Variants in VPS13C observed in about 807,000 individuals in gnomAD.
VPS13C encodes vacuolar protein sorting 13 homolog C, also known as intermembrane lipid transfer protein VPS13C.
Under a neutral mutation model 456.8 loss-of-function variants are expected in VPS13C, and 358 were observed. The ratio of observed to expected loss-of-function variants is 0.78; its 90% CI spans 0.72 to 0.86. VPS13C has a LOEUF of 0.86. VPS13C is among the 40% of genes least tolerant of loss of function. The probability of loss-of-function intolerance (pLI) is 0.00; values close to 1 mark genes in which losing one functional copy is unlikely to be tolerated. For synonymous variants in VPS13C, 1,578 were observed against 1,486.7 expected, an observed-to-expected ratio of 1.06 and a Z score of -1.41; for missense variants, 4,818 against 4,385.4, an observed-to-expected ratio of 1.10 and a Z score of -2.79.
chr15:62,048,601 T>C (rs1325381807), intron 1 of VPS13C, among the ~76,000 whole-genome samples: 1 of 152,152 alleles, frequency 6.6e-6, no homozygotes, highest in Non-Finnish European at 1.5e-5. Context: ...TGATTTATAA[T>C]CCTTTGGGTA....
rs546705026 is a variant in VPS13C at position 61,949,872 on chromosome 15, A to C, written c.4597-267T>G. 5.3e-5 allele frequency among the ~76,000 whole-genome samples: 8 copies of C among 152,336 alleles called. No individual in the cohort carries two copies. In the South Asian group the frequency reaches 1.7e-3, roughly 32 times the overall value. On this transcript the variant is annotated intron_variant, in intron 41 of 84. Coordinates refer to ENST00000644861, the MANE Select transcript of VPS13C (RefSeq NM_020821.3). ...AAGTAAAGATACAGGAAATATTATC[A>C]GGCTTTAAACCACATTTCAGGCAGT...
chr15:61,875,038 A>G, intron 76 of VPS13C, 87 bp from the exon 77 acceptor site: 1 of 1,189,002 alleles, frequency 8.4e-7, no homozygotes, highest in South Asian at 2.0e-5. Flanking sequence ...TGCAAGAAGA[A>G]TCCAAATCTG....
chr15:61,997,950 A>G (rs1180983659), intron 16 of VPS13C, among the ~76,000 whole-genome samples: 5 of 152,140 alleles, frequency 3.3e-5, no homozygotes, highest in Non-Finnish European at 7.3e-5. Context: ...CCCAATTCAG[A>G]GTAAGAGCCA....
chr15:61,919,117 T>A (rs1331245389), intron 58 of VPS13C, among the ~76,000 whole-genome samples, 172 bp downstream of exon 58: 1 of 152,148 alleles, frequency 6.6e-6, no homozygotes, highest in Admixed American at 6.5e-5. Context: ...CAGAGCAAGC[T>A]GGACAGTAAA....
chr15:61,912,133 G>T, intron 62 of VPS13C, 129 bp from the exon 63 acceptor site: 1 of 845,124 alleles, frequency 1.2e-6, no homozygotes. Flanking sequence ...GCAACTATAA[G>T]TTACATTCTG....
At position 62,011,580 on chromosome 15, in the gene VPS13C, ATGAAAC is replaced by A. The variant is rs1567107596; in HGVS notation, c.883+521_883+526del. On this transcript the variant is annotated intron_variant, in intron 12 of 84. Coordinates refer to ENST00000644861, the MANE Select transcript of VPS13C (RefSeq NM_020821.3). ...ATAAAAAACCAATAGCTTCATTACC[ATGAAAC>A]TGAAATAAAGAAAACAGATGGAAAA... Among the ~76,000 whole-genome samples, 3 of 152,164 alleles carry A rather than the reference ATGAAAC, an allele frequency of 2.0e-5. No individual in the cohort carries two copies. The East Asian group carries it at 5.8e-4, about 29-fold the overall frequency.
At chr15:61,879,543 G>T (rs1895703106) in intron 73 of VPS13C, 5 of 152,170 alleles carry the variant, frequency 3.3e-5, no homozygotes, top group African/African-American at 1.2e-4. Context: ...TATGGGCTAT[G>T]AAAATAATTG....
rs574394208 is a variant in VPS13C, at chr15:61,910,392, T to C, written c.8716-87A>G. The C allele has an allele frequency of 8.0e-5, 86 of 1,070,720 alleles. No individual in the cohort carries two copies. The South Asian group carries it at 2.3e-3, about 29-fold the overall frequency. 66.3% of individuals were successfully genotyped at this position (1,070,720 alleles called of 1,614,324 possible). The stretch of plus-strand genomic sequence containing the variant: ...TACCTAATTAAATTTTCAATTCTGA[T>C]TCTGATCTTGATTAAATTATTATGA... On this transcript the variant is annotated intron_variant, in intron 63 of 84. Transcript: ENST00000644861.
Position 62,035,038 on chromosome 15 carries a change from T to C in VPS13C, c.202A>G (p.Lys68Glu). Residue 68 changes from lysine to glutamate, a missense_variant, in exon 4 of 85, where the codon AAG becomes GAG. By Grantham distance (56) the Lys-to-Glu change is moderately conservative. This residue lies in a region of VPS13C where 4,552 missense variants were observed against 4,130.6 expected (regional missense o/e 1.10). Transcript: ENST00000644861. The part of the protein sequence containing the change: ...KAGQIDKLTL[K>E]IPWKNLYGEA... ...CCATAAAGGTTCTTCCAAGGAATCT[T>C]CAAAGTTAATTTATCTAAGGAAACA... 1 of 1,605,944 alleles carries C rather than the reference T, an allele frequency of 6.2e-7. No individual in the cohort carries two copies. Among genetic ancestry groups the C allele is most frequent in the South Asian group, 1.1e-5 (1 of 90,010 alleles).
intron 13 of VPS13C, among the ~76,000 whole-genome samples, chr15:62,009,679 A>C (rs150526144): frequency 1.4e-4 from 21 of 152,354 alleles, no homozygotes; most frequent in Admixed American, 2.6e-4. Flanking sequence ...TTTATTTAAC[A>C]GAATTGTACA....
intron 40 of VPS13C, among the ~76,000 whole-genome samples, 156 bp from the exon 41 acceptor site, chr15:61,950,573 A>T (rs1187874402): frequency 1.3e-5 from 2 of 151,952 alleles, no homozygotes; most frequent in African/African-American, 4.8e-5. Flanking sequence ...AAAAACAAAA[A>T]CAAACTGACC....
chr15:62,013,744 G>A (rs1290704272), intron 10 of VPS13C, among the ~76,000 whole-genome samples, 189 bp downstream of exon 10: 1 of 151,900 alleles, frequency 6.6e-6, no homozygotes, highest in Non-Finnish European at 1.5e-5. Context: ...CACTTGATAG[G>A]TAAAGAACCT....
intron 1 of VPS13C, among the ~76,000 whole-genome samples, chr15:62,056,066 T>G (rs992132478): frequency 2.6e-5 from 4 of 152,176 alleles, no homozygotes; most frequent in Admixed American, 6.5e-5. Context: ...AAATCACTGC[T>G]TTAGGCTAGT....
intron 18 of VPS13C, among the ~76,000 whole-genome samples, chr15:61,985,338 C>G (rs963239554): frequency 6.6e-6 from 1 of 152,172 alleles, no homozygotes; most frequent in African/African-American, 2.4e-5. Flanking sequence ...CTCACTGCAA[C>G]CTCCACCTCC....
At chr15:61,946,831 A>G (rs112404874) in intron 43 of VPS13C, among the ~76,000 whole-genome samples, 16 of 152,198 alleles carry the variant, frequency 1.1e-4, no homozygotes, top group African/African-American at 3.6e-4. Context: ...TGCTCCAATA[A>G]CTAAAAATAA....
chr15:61,860,194 C>T (rs1894143206), intron 82 of VPS13C, among the ~76,000 whole-genome samples: 1 of 151,876 alleles, frequency 6.6e-6, no homozygotes, highest in African/African-American at 2.4e-5. Context: ...AAGTAATTCA[C>T]AAAGTAGCAA....
At chr15:61,874,420 T>C (rs1895262521) in intron 77 of VPS13C, among the ~76,000 whole-genome samples, 2 of 152,030 alleles carry the variant, frequency 1.3e-5, no homozygotes, top group Admixed American at 1.3e-4. Flanking sequence ...TTGTATACAT[T>C]TATCAAAATA....
At chr15:62,014,275 G>C (rs11629645) in intron 9 of VPS13C, among the ~76,000 whole-genome samples, 9,229 of 152,104 alleles carry the variant, frequency 0.061, 342 homozygotes, top group Non-Finnish European at 0.083. Context: ...TGAAAACAGA[G>C]AGCCAGCCTA....
intron 1 of VPS13C, 64 bp from the exon 2 acceptor site, chr15:62,044,319 T>C (rs2048338454): frequency 9.7e-7 from 1 of 1,030,024 alleles, no homozygotes; most frequent in Non-Finnish European, 1.4e-6. Context: ...CCTATCACAA[T>C]GTAGTACCAA....
Sources: allele counts gnomAD v4.1 joint callset (sites outside exome capture counted in the v4.1 genomes callset), GRCh38; gene constraint gnomAD v4.1.1; regional missense constraint gnomAD v4.1.1; transcripts MANE v1.5; gene names NCBI Gene and HGNC (gene_info 2026-07-23, HGNC 2026-07-21).